GALNTL6: variants seen among roughly 807,000 people sequenced by gnomAD.
GALNTL6 encodes polypeptide N-acetylgalactosaminyltransferase-like 6.
Under a neutral mutation model 73.7 loss-of-function variants are expected in GALNTL6, and 46 were observed. The ratio of observed to expected loss-of-function variants is 0.62; its 90% confidence interval spans 0.49 to 0.80. The LOEUF (loss-of-function observed/expected upper bound fraction) is 0.80, where lower values mean the gene tolerates loss of function less well. GALNTL6 is among the 30% of genes least tolerant of loss of function. The pLI is 0.00. For missense variants in GALNTL6, 604 were observed against 755.0 expected (o/e 0.80, Z 2.34); for synonymous variants, 259 against 263.7 (o/e 0.98, Z 0.17).
intron 5 of GALNTL6, among the ~76,000 whole-genome samples, chr4:172,794,683 A>C (rs894457856): frequency 2.0e-5 from 3 of 152,236 alleles, no homozygotes; most frequent in Admixed American, 6.5e-5. Context: ...TTGACAAAGT[A>C]CGAATCTTCG....
chr4:172,005,614 G>A (rs190609373), intron 2 of GALNTL6, among the ~76,000 whole-genome samples: 6 of 152,104 alleles, frequency 3.9e-5, no homozygotes, highest in Non-Finnish European at 8.8e-5. Context: ...ATGTATGTGT[G>A]TGTATATATT....
Position 172,796,084 on chromosome 4 carries a change from C to T in GALNTL6, c.554-13277C>T, listed in dbSNP as rs117340375. ...CAGTGATTGACTTTGAGTGATAAAACTCAGTGATTTTTTTTTCCCCTTCTT... is the reference window on the plus strand; with the variant it reads ...CAGTGATTGACTTTGAGTGATAAAATTCAGTGATTTTTTTTTCCCCTTCTT... On this transcript the variant is annotated intron_variant, in intron 5 of 12. Transcript: ENST00000506823. 5.4e-3 allele frequency among the ~76,000 whole-genome samples: 819 copies of T among 151,608 alleles called. 9 individuals are homozygous for T. Among genetic ancestry groups the T allele is most frequent in the East Asian group, 0.042 (220 of 5,180 alleles).
At chr4:172,395,590 GAGATA>G (rs1435258591) in intron 5 of GALNTL6, among the ~76,000 whole-genome samples, 25 of 152,124 alleles carry the variant, frequency 1.6e-4, no homozygotes, top group African/African-American at 5.8e-4. Context: ...AATATATTCT[GAGATA>G]TCAGACCTTT....
At chr4:173,010,786 T>A (rs1229425783) in intron 11 of GALNTL6, among the ~76,000 whole-genome samples, 1 of 142,392 alleles carries the variant, frequency 7.0e-6, no homozygotes, top group African/African-American at 2.7e-5. Context: ...TTTTTTTTTT[T>A]AGTAGAGACA....
chr4:172,081,309 A>C (rs1196851150), intron 2 of GALNTL6, among the ~76,000 whole-genome samples: 1 of 152,236 alleles, frequency 6.6e-6, no homozygotes, highest in East Asian at 1.9e-4. Context: ...GTGTGACATT[A>C]GTAAAGAACT....
intron 10 of GALNTL6, among the ~76,000 whole-genome samples, chr4:172,980,383 AT>A (rs1223541064): frequency 6.6e-6 from 1 of 152,072 alleles, no homozygotes; most frequent in Non-Finnish European, 1.5e-5. Context: ...CATCACCAGA[AT>A]TTTTTTTATC....
intron 5 of GALNTL6, among the ~76,000 whole-genome samples, chr4:172,580,779 G>A (rs999757534): frequency 3.3e-5 from 5 of 152,016 alleles, no homozygotes; most frequent in African/African-American, 1.2e-4. Context: ...TAATTTTTTT[G>A]TTTGTTTGTT....
intron 2 of GALNTL6, among the ~76,000 whole-genome samples, chr4:172,042,599 A>G (rs17057997): frequency 0.011 from 1,662 of 152,050 alleles, 29 homozygotes; most frequent in African/African-American, 0.036. Context: ...TCACAAGCGA[A>G]ATCCTCAGTT....
intron 2 of GALNTL6, among the ~76,000 whole-genome samples, chr4:172,095,199 A>AT (rs988449925): frequency 3.2e-3 from 13 of 4,100 alleles, no homozygotes; most frequent in Non-Finnish European, 8.8e-3. Context: ...GAAAAGGCAA[A>AT]TAAAAAAAAG....
rs147108836 is a variant in GALNTL6 at position 172,827,441 on chromosome 4, T to C, written c.923+13718T>C. ...TATAATGAGCTTCCTCATGTTGGCATAGAGCATGTTACTTAGAGGTATCTG... is the reference window on the plus strand; with the variant it reads ...TATAATGAGCTTCCTCATGTTGGCACAGAGCATGTTACTTAGAGGTATCTG... On this transcript the variant is annotated intron_variant, in intron 7 of 12. Coordinates refer to ENST00000506823, the MANE Select transcript of GALNTL6 (RefSeq NM_001034845.3). Among the ~76,000 whole-genome samples, 12 of 152,322 alleles carry C rather than the reference T, an allele frequency of 7.9e-5. No homozygotes were observed. The East Asian group carries it at 2.3e-3, about 29-fold the overall frequency.
intron 12 of GALNTL6, among the ~76,000 whole-genome samples, chr4:173,029,565 T>C: frequency 6.6e-6 from 1 of 152,248 alleles, no homozygotes; most frequent in East Asian, 1.9e-4. Context: ...TATGAGCTTC[T>C]AGCATGCTTT....
intron 5 of GALNTL6, among the ~76,000 whole-genome samples, chr4:172,794,407 GAA>G (rs1167774431): frequency 1.3e-5 from 2 of 152,178 alleles, no homozygotes; most frequent in Admixed American, 1.3e-4. Flanking sequence ...CCTAGGGAGA[GAA>G]ATCATTTTCT....
At chr4:172,196,261 C>A (rs973350549) in intron 2 of GALNTL6, among the ~76,000 whole-genome samples, 1 of 151,950 alleles carries the variant, frequency 6.6e-6, no homozygotes, top group Non-Finnish European at 1.5e-5. Context: ...AAGGTGAATC[C>A]GTGAATAGAC....
At chr4:173,032,524 A>T (rs1753513169) in intron 12 of GALNTL6, among the ~76,000 whole-genome samples, 1 of 151,378 alleles carries the variant, frequency 6.6e-6, no homozygotes, top group African/African-American at 2.4e-5. Flanking sequence ...CATCTCTACA[A>T]AAAAATACAA....
intron 5 of GALNTL6, among the ~76,000 whole-genome samples, chr4:172,445,766 T>A (rs1425227167): frequency 6.6e-6 from 1 of 152,192 alleles, no homozygotes; most frequent in Non-Finnish European, 1.5e-5. Context: ...TATTTGAATG[T>A]ATGAGTGTGT....
intron 10 of GALNTL6, among the ~76,000 whole-genome samples, chr4:172,989,547 T>C (rs1751452044): frequency 6.6e-6 from 1 of 152,176 alleles, no homozygotes; most frequent in South Asian, 2.1e-4. Context: ...AGTAGGGGCC[T>C]GGTACAAGGT....
intron 5 of GALNTL6, among the ~76,000 whole-genome samples, chr4:172,426,624 T>TA (rs752130868): frequency 3.5e-4 from 53 of 152,190 alleles, no homozygotes; most frequent in Middle Eastern, 3.4e-3. Flanking sequence ...CAAACAGAAA[T>TA]AAACAAGTTA....
intron 2 of GALNTL6, among the ~76,000 whole-genome samples, chr4:171,949,997 A>G (rs1348693868): frequency 6.6e-6 from 1 of 152,222 alleles, no homozygotes; most frequent in African/African-American, 2.4e-5. Context: ...ATTAAATGCC[A>G]TCCAGTAGAA....
chr4:172,658,380 T>C (rs1408156541), intron 5 of GALNTL6, among the ~76,000 whole-genome samples: 4 of 143,258 alleles, frequency 2.8e-5, no homozygotes, highest in Non-Finnish European at 6.0e-5. Context: ...GGCAGGAGAA[T>C]GGCGTGAATC....
Sources: gnomAD v4.1 joint callset for allele counts (sites outside exome capture counted in the v4.1 genomes callset) on GRCh38, gnomAD v4.1.1 for gene constraint, MANE v1.5 for transcripts, NCBI Gene and HGNC (gene_info 2026-07-23, HGNC 2026-07-21) for gene names.